LSAMP: variants seen among roughly 807,000 people sequenced by gnomAD.
LSAMP encodes limbic system associated membrane protein.
In LSAMP, 7 loss-of-function variants were observed where a neutral mutation model predicts 38.6. The observed-to-expected ratio is 0.18, with a 90% CI of 0.10 to 0.34. The LOEUF (loss-of-function observed/expected upper bound fraction) is 0.34. LSAMP is among the 10% of genes least tolerant of loss of function. The pLI, the probability that LSAMP is intolerant of heterozygous loss-of-function variation, is 1.00. For synonymous variants in LSAMP, 154 were observed against 166.8 expected, an observed-to-expected ratio of 0.92 and a Z score of 0.59; for missense variants, 313 against 420.0, an observed-to-expected ratio of 0.75 and a Z score of 2.23.
intron 1 of LSAMP, among the ~76,000 whole-genome samples, chr3:116,252,458 C>T (rs911230917): frequency 6.6e-6 from 1 of 152,098 alleles, no homozygotes; most frequent in African/African-American, 2.4e-5. Context: ...AGATGCTTAT[C>T]CAGTCTTTGA....
At chr3:116,275,051 AAAAT>A (rs151230549) in intron 1 of LSAMP, among the ~76,000 whole-genome samples, 7 of 151,790 alleles carry the variant, frequency 4.6e-5, no homozygotes, top group Middle Eastern at 3.4e-3. Context: ...AAAGGATTTA[AAAAT>A]AAATAAATAA....
intron 1 of LSAMP, among the ~76,000 whole-genome samples, chr3:116,272,787 G>T (rs1407454814): frequency 6.6e-6 from 1 of 152,096 alleles, no homozygotes; most frequent in South Asian, 2.1e-4. Flanking sequence ...TGGCAGAAAA[G>T]ACTATTCTAT....
intron 1 of LSAMP, among the ~76,000 whole-genome samples, chr3:116,096,695 T>C (rs898404224): frequency 2.6e-5 from 4 of 152,212 alleles, no homozygotes; most frequent in Non-Finnish European, 4.4e-5. Flanking sequence ...GCTGTCTCTC[T>C]AGGATAGCTG....
chr3:115,827,774 A>G (rs1001904228), intron 6 of LSAMP, among the ~76,000 whole-genome samples: 3 of 152,166 alleles, frequency 2.0e-5, no homozygotes, highest in South Asian at 4.1e-4. Flanking sequence ...TACTCCCATC[A>G]TACATCTCAG....
Position 115,852,521 on chromosome 3 carries a change from GA to G in LSAMP, c.610del (p.Ser204ProfsTer12). 6.2e-7 allele frequency: 1 copy of G among 1,613,560 alleles called. No individual in the cohort carries two copies. The highest frequency in any genetic ancestry group is 1.1e-5 in the South Asian group (1 of 91,008). On this transcript the variant is annotated frameshift_variant, in exon 4 of 7. Coordinates refer to ENST00000490035, the MANE Select transcript of LSAMP (RefSeq NM_002338.5). LOFTEE classifies it high-confidence loss of function. Reference sequence around the variant, plus strand: ...CTTGACTTGTTTGACATCCGCCGAGGAGACCTCGTTGGCAGCTTTGCACTCA... The same window carrying G: ...CTTGACTTGTTTGACATCCGCCGAGGGACCTCGTTGGCAGCTTTGCACTCA... The part of the protein sequence containing the change: ...KYECKAANEV[S>X]SADVKQVKVT...
At chr3:116,430,340 A>T (rs1019106874) in intron 1 of LSAMP, among the ~76,000 whole-genome samples, 5 of 151,948 alleles carry the variant, frequency 3.3e-5, no homozygotes, top group Non-Finnish European at 5.9e-5. Context: ...GAATTCCATT[A>T]AAAAAATCCA....
At chr3:116,121,885 ATTTTT>A (rs57411929) in intron 1 of LSAMP, among the ~76,000 whole-genome samples, 3,225 of 136,812 alleles carry the variant, frequency 0.024, 120 homozygotes, top group African/African-American at 0.08. Flanking sequence ...TTTTTTTGTG[ATTTTT>A]TTTTTTTTTT....
Position 116,225,103 on chromosome 3 carries a change from C to T in LSAMP, c.156-138547G>A, listed in dbSNP as rs537058309. Among the ~76,000 whole-genome samples the T allele has an allele frequency of 2.0e-5, 3 of 149,898 alleles. 1 individual carries two copies. The South Asian group carries it at 6.4e-4, about 32-fold the overall frequency. On this transcript the variant is annotated intron_variant, in intron 1 of 6. Transcript: ENST00000490035. Reference sequence around the variant, plus strand: ...TTTGAATATGGACAATGTGTAGATTCACTAGTGGCCCCCACAAAAGATATG... The same window carrying T: ...TTTGAATATGGACAATGTGTAGATTTACTAGTGGCCCCCACAAAAGATATG...
chr3:115,961,249 C>T (rs961653491), intron 3 of LSAMP, among the ~76,000 whole-genome samples: 4 of 152,160 alleles, frequency 2.6e-5, no homozygotes, highest in Non-Finnish European at 4.4e-5. Context: ...TGTTTTCCAG[C>T]CTCCTAAAGT....
At chr3:115,893,585 T>C (rs971804651) in intron 3 of LSAMP, among the ~76,000 whole-genome samples, 5 of 151,728 alleles carry the variant, frequency 3.3e-5, no homozygotes, top group Admixed American at 6.6e-5. Flanking sequence ...CAATTTTTGA[T>C]CAATCATAGT....
intron 3 of LSAMP, among the ~76,000 whole-genome samples, chr3:115,997,770 A>G (rs1939864982): frequency 6.9e-6 from 1 of 144,118 alleles, no homozygotes; most frequent in East Asian, 2.0e-4. Flanking sequence ...ACATACATAC[A>G]CACACATATA....
intron 1 of LSAMP, among the ~76,000 whole-genome samples, chr3:116,349,495 ACACACACT>A (rs1307245025): frequency 6.7e-6 from 1 of 149,128 alleles, no homozygotes; most frequent in Non-Finnish European, 1.5e-5. Context: ...ACACACACAC[ACACACACT>A]CTCTCTCTCT....
chr3:116,159,651 G>T (rs960660998), intron 1 of LSAMP, among the ~76,000 whole-genome samples: 5 of 152,124 alleles, frequency 3.3e-5, no homozygotes, highest in African/African-American at 1.2e-4. Context: ...ACTGCTGGTG[G>T]GAGTATAAAT....
At chr3:115,841,363 G>C (rs1934990496) in intron 6 of LSAMP, among the ~76,000 whole-genome samples, 1 of 151,992 alleles carries the variant, frequency 6.6e-6, no homozygotes, top group Admixed American at 6.6e-5. Context: ...CCTTCCTCTT[G>C]TGTTGTTAAA....
intron 1 of LSAMP, among the ~76,000 whole-genome samples, chr3:116,105,452 AGC>A (rs1437651290): frequency 6.6e-6 from 1 of 152,138 alleles, no homozygotes; most frequent in African/African-American, 2.4e-5. Flanking sequence ...TGAGTCCGAA[AGC>A]AGAGTCAGCG....
At chr3:116,178,776 A>C (rs1710414963) in intron 1 of LSAMP, among the ~76,000 whole-genome samples, 1 of 152,144 alleles carries the variant, frequency 6.6e-6, no homozygotes, top group Non-Finnish European at 1.5e-5. Context: ...AAATAAATAA[A>C]TTTTAAAATT....
chr3:116,273,683 C>CATATATATATATATATATATATATAT (rs1553719897), intron 1 of LSAMP, among the ~76,000 whole-genome samples: 2 of 50,528 alleles, frequency 4.0e-5, no homozygotes, highest in African/African-American at 2.5e-4. Flanking sequence ...GAGAAAGAGG[C>CATATATATATATATATATATATATAT]ATATATATAT....
intron 1 of LSAMP, among the ~76,000 whole-genome samples, chr3:116,105,365 G>T (rs539526253): frequency 1.3e-5 from 2 of 152,124 alleles, no homozygotes; most frequent in Non-Finnish European, 2.9e-5. Flanking sequence ...ACTTTCATGC[G>T]CGTCCGTGTG....
chr3:116,434,548 T>C (rs1389810065), intron 1 of LSAMP, among the ~76,000 whole-genome samples: 1 of 152,092 alleles, frequency 6.6e-6, no homozygotes, highest in Admixed American at 6.5e-5. Flanking sequence ...CTAGTAAAGA[T>C]GTTTGGTGGA....
Sources: allele counts gnomAD v4.1 joint callset (sites outside exome capture counted in the v4.1 genomes callset), GRCh38; gene constraint gnomAD v4.1.1; transcripts MANE v1.5; gene names NCBI Gene and HGNC (gene_info 2026-07-23, HGNC 2026-07-21).